ADGRV1: variants seen among roughly 807,000 people sequenced by gnomAD.
ADGRV1 encodes G-protein coupled receptor 98.
Under a neutral mutation model 596.2 loss-of-function variants are expected in ADGRV1, and 359 were observed. The observed-to-expected ratio is 0.60, with a 90% CI of 0.55 to 0.66. The LOEUF is 0.66. Among genes scored for constraint, ADGRV1 ranks in the 30% least tolerant of loss-of-function variants. The pLI is 0.00. For missense variants in ADGRV1, 7,274 were observed against 7,575.6 expected (o/e 0.96, Z 1.48); for synonymous variants, 2,681 against 2,679.2 (o/e 1.00, Z -0.02).
intron 75 of ADGRV1, among the ~76,000 whole-genome samples, chr5:90,821,392 G>A (rs1298593103): frequency 6.0e-5 from 9 of 150,870 alleles, no homozygotes; most frequent in South Asian, 2.1e-4. Flanking sequence ...TAATTTGATC[G>A]TCTGAAGCCT....
At chr5:90,578,028 T>A (rs758740899) in intron 1 of ADGRV1, among the ~76,000 whole-genome samples, 4 of 152,196 alleles carry the variant, frequency 2.6e-5, no homozygotes, top group Non-Finnish European at 5.9e-5. Context: ...ATGATGGGGT[T>A]TTCTAAATAT....
Position 90,855,776 on chromosome 5 carries a change from A to G in ADGRV1, c.17630A>G (p.Glu5877Gly), listed in dbSNP as rs889912154. The change falls in exon 82 of 90, where the codon GAG becomes GGG. Residue 5877 changes from glutamate (E) to glycine (G), a missense_variant. Coordinates refer to ENST00000405460, the MANE Select transcript of ADGRV1 (RefSeq NM_032119.4). The part of the protein sequence containing the change: ...LSDSQFCKVV[E>G]ETADYVECAC... ...GACAGTCAGTTTTGCAAAGTGGTTGAGGAAACTGCAGACTATGTGGAATGT... is the reference window on the plus strand; with the variant it reads ...GACAGTCAGTTTTGCAAAGTGGTTGGGGAAACTGCAGACTATGTGGAATGT... The G allele has an allele frequency of 1.3e-6, 2 of 1,590,860 alleles. No individual in the cohort carries two copies. Among genetic ancestry groups the G allele is most frequent in the Non-Finnish European group, 1.7e-6 (2 of 1,170,034 alleles).
chr5:91,014,618 T>C (rs1044083020), intron 85 of ADGRV1, among the ~76,000 whole-genome samples: 67 of 75,062 alleles, frequency 8.9e-4, no homozygotes, highest in Admixed American at 7.4e-3. Context: ...TGATTCAGTC[T>C]TGGGAAAGTA....
chr5:90,927,706 G>A (rs1357700091), intron 83 of ADGRV1, among the ~76,000 whole-genome samples: 1 of 151,994 alleles, frequency 6.6e-6, no homozygotes, highest in African/African-American at 2.4e-5. Context: ...CTCGTTAGTT[G>A]ATGCAGTTTC....
At chr5:91,026,906 C>T (rs1333247383) in intron 85 of ADGRV1, among the ~76,000 whole-genome samples, 1 of 151,936 alleles carries the variant, frequency 6.6e-6, no homozygotes, top group Non-Finnish European at 1.5e-5. Flanking sequence ...CTTTGGGAAG[C>T]CGAGGCAGGC....
chr5:90,628,957 A>G (rs1477659348), intron 8 of ADGRV1, 125 bp downstream of exon 8: 11 of 902,300 alleles, frequency 1.2e-5, no homozygotes, highest in Non-Finnish European at 1.8e-5. Context: ...GGCTTTGCAA[A>G]TGATAGTTTT....
intron 87 of ADGRV1, among the ~76,000 whole-genome samples, chr5:91,136,074 C>G (rs553767919): frequency 6.6e-6 from 1 of 151,974 alleles, no homozygotes; most frequent in Admixed American, 6.6e-5. Flanking sequence ...TCTGAGGCAG[C>G]GGGTGGCCTT....
At chr5:90,923,046 G>T (rs1403933378) in intron 83 of ADGRV1, among the ~76,000 whole-genome samples, 1 of 152,058 alleles carries the variant, frequency 6.6e-6, no homozygotes, top group African/African-American at 2.4e-5. Flanking sequence ...CTTAGAATTT[G>T]GGTGTTTTCA....
chr5:91,148,678 T>A (rs1795762095), intron 87 of ADGRV1, among the ~76,000 whole-genome samples: 1 of 152,192 alleles, frequency 6.6e-6, no homozygotes, highest in Non-Finnish European at 1.5e-5. Flanking sequence ...ACTGGGGCAC[T>A]GCCTCAGTGA....
chr5:90,696,944 C>A lies in ADGRV1; in HGVS notation c.7953C>A (p.Thr2651=), dbSNP rs752986129. ...GEILTFAEGE[T]KKTVILTILD... is the part of the protein sequence containing the mutation. ...CCATTGATGTTTTTATAGGTGAAACCAAAAAGACAGTCATTTTAACCATCT... is the reference window on the plus strand; with the variant it reads ...CCATTGATGTTTTTATAGGTGAAACAAAAAAGACAGTCATTTTAACCATCT... The change falls in exon 34 of 90, where the codon ACC becomes ACA. Residue 2651 remains threonine (T), a synonymous_variant. Coordinates refer to ENST00000405460, the MANE Select transcript of ADGRV1 (RefSeq NM_032119.4). The A allele has an allele frequency of 8.7e-6, 14 of 1,608,360 alleles. No individual in the cohort carries two copies. The East Asian group carries it at 3.1e-4, about 36-fold the overall frequency.
chr5:90,772,502 A>C (rs974118944), intron 59 of ADGRV1, among the ~76,000 whole-genome samples: 1 of 152,232 alleles, frequency 6.6e-6, no homozygotes, highest in Non-Finnish European at 1.5e-5. Flanking sequence ...GATGTACCCT[A>C]AGTAGAAAAT....
intron 83 of ADGRV1, among the ~76,000 whole-genome samples, chr5:90,916,726 G>T (rs949549197): frequency 7.2e-6 from 1 of 139,438 alleles, no homozygotes; most frequent in South Asian, 2.3e-4. Context: ...TCCGCCTCCC[G>T]GGTTCACGCC....
intron 87 of ADGRV1, among the ~76,000 whole-genome samples, chr5:91,116,823 A>G (rs1045358023): frequency 6.6e-6 from 1 of 152,180 alleles, no homozygotes; most frequent in Non-Finnish European, 1.5e-5. Context: ...CAAGCATTGC[A>G]AAAAGGGGGC....
At chr5:91,140,639 A>G (rs987023100) in intron 87 of ADGRV1, among the ~76,000 whole-genome samples, 3 of 152,072 alleles carry the variant, frequency 2.0e-5, no homozygotes, top group Admixed American at 6.6e-5. Context: ...ACCACCTCCA[A>G]TCTTCTCTAC....
At chr5:90,595,832 G>T (rs1760408730) in intron 1 of ADGRV1, among the ~76,000 whole-genome samples, 1 of 148,628 alleles carries the variant, frequency 6.7e-6, no homozygotes, top group African/African-American at 2.5e-5. Flanking sequence ...CTGGCCGGGT[G>T]GGCGGCTGAC....
intron 85 of ADGRV1, among the ~76,000 whole-genome samples, chr5:91,057,943 C>G (rs1472727447): frequency 6.6e-6 from 1 of 152,156 alleles, no homozygotes; most frequent in African/African-American, 2.4e-5. Context: ...TAGGAATGAG[C>G]ATGTTTAGTG....
At chr5:90,623,711 C>T (rs984088293) in intron 5 of ADGRV1, among the ~76,000 whole-genome samples, 4 of 152,158 alleles carry the variant, frequency 2.6e-5, no homozygotes, top group Non-Finnish European at 5.9e-5. Flanking sequence ...CCATGCCTTC[C>T]CCCTGCCCCC....
At chr5:90,667,482 C>T (rs906641486) in intron 21 of ADGRV1, among the ~76,000 whole-genome samples, 3 of 147,988 alleles carry the variant, frequency 2.0e-5, no homozygotes, top group African/African-American at 7.6e-5. Flanking sequence ...AAGCACTTCT[C>T]TGTATTGATT....
At chr5:90,752,023 G>T (rs192602157) in intron 53 of ADGRV1, among the ~76,000 whole-genome samples, 3 of 152,220 alleles carry the variant, frequency 2.0e-5, no homozygotes, top group Non-Finnish European at 4.4e-5. Context: ...ATTTCATTCA[G>T]GGAGCTAGTA....
Sources: allele counts gnomAD v4.1 joint callset (sites outside exome capture counted in the v4.1 genomes callset), GRCh38; gene constraint gnomAD v4.1.1; transcripts MANE v1.5; gene names NCBI Gene and HGNC (gene_info 2026-07-23, HGNC 2026-07-21).